The following ZNF791 variants were observed in gnomAD, a reference collection of about 807,000 sequenced individuals.
The protein encoded by ZNF791 is zinc finger protein 791.
A neutral mutation model predicts 11.5 loss-of-function variants in ZNF791; 4 were observed. The observed-to-expected ratio is 0.35, with a 90% CI of 0.17 to 0.80. The LOEUF is 0.80. ZNF791 is among the 30% of genes least tolerant of loss of function. The pLI is 0.53. For synonymous variants in ZNF791, 212 were observed against 228.1 expected (o/e 0.93, Z 0.64); for missense variants, 559 against 699.4 (o/e 0.80, Z 2.26).
intron 1 of ZNF791, chr19:12,612,174 C>T: frequency 1.1e-6 from 1 of 899,668 alleles, no homozygotes; most frequent in Non-Finnish European, 1.3e-6. Flanking sequence ...CTATTTATTG[C>T]CATGGAAATA....
In ZNF791 at chr19:12,632,150, G is replaced by C. The variant is rs2023508952; in HGVS notation, c.*2890G>C. 4 of 151,822 alleles carry C rather than the reference G, an allele frequency of 2.6e-5. No individual in the cohort carries two copies. Among genetic ancestry groups the C allele is most frequent in the Admixed American group, 2.6e-4 (4 of 15,220 alleles). 9.4% of individuals were successfully genotyped at this position (151,822 alleles called of 1,614,324 possible). ...TAATTTTTTTTGTATTTTTAGTAGA[G>C]ATGGGGTTTCACCGTGTTAAGCCAG... On this transcript the variant is annotated 3_prime_UTR_variant, in exon 4 of 4. Transcript: ENST00000343325.
At chr19:12,612,039 C>CT (rs2023165647) in intron 1 of ZNF791, among the ~76,000 whole-genome samples, 4 of 152,128 alleles carry the variant, frequency 2.6e-5, no homozygotes, top group Admixed American at 2.6e-4. Context: ...ATTCTTTGTT[C>CT]TTTCCCTGAG....
rs1434498303 is a variant in ZNF791 at position 12,631,114 on chromosome 19, T to C, written c.*1854T>C. 1 of 152,200 alleles carries C rather than the reference T, an allele frequency of 6.6e-6. No homozygotes were observed. Among genetic ancestry groups the C allele is most frequent in the Non-Finnish European group, 1.5e-5 (1 of 68,048 alleles). The allele number at this position is 152,200 out of a possible 1,614,324, so 9.4% of individuals were successfully genotyped here. ...GAGTGTCCTATGCAGGTGCATCCTT[T>C]TTTATCTTTTATACTGCATGTTTAC... On this transcript the variant is annotated 3_prime_UTR_variant, in exon 4 of 4. Coordinates refer to ENST00000343325, the MANE Select transcript of ZNF791 (RefSeq NM_153358.3).
chr19:12,621,065 A>G lies in ZNF791; in HGVS notation c.4-2635A>G, dbSNP rs116504655. Among the ~76,000 whole-genome samples, 830 of 151,982 alleles carry G rather than the reference A, an allele frequency of 5.5e-3. 8 individuals carry two copies. The highest frequency in any genetic ancestry group is 0.019 in the African/African-American group (779 of 41,478). On this transcript the variant is annotated intron_variant, in intron 1 of 3. Coordinates refer to ENST00000343325, the MANE Select transcript of ZNF791 (RefSeq NM_153358.3). ...CATGAGCCATCCTGACCCAGATTTT[A>G]TGTTCTTTTGGAGGTATGAAATTAC...
chr19:12,617,310 G>A (rs1187032953), intron 1 of ZNF791, among the ~76,000 whole-genome samples: 1 of 151,710 alleles, frequency 6.6e-6, no homozygotes, highest in Non-Finnish European at 1.5e-5. Context: ...ATTTTTAGTA[G>A]AGATGGGGTT....
intron 1 of ZNF791, among the ~76,000 whole-genome samples, chr19:12,613,932 G>A (rs2023200920): frequency 6.6e-6 from 1 of 152,146 alleles, no homozygotes; most frequent in African/African-American, 2.4e-5. Flanking sequence ...TACGTTTTGA[G>A]TTTCACTTCC....
At chr19:12,614,582 A>G (rs571028747) in intron 1 of ZNF791, among the ~76,000 whole-genome samples, 1 of 146,406 alleles carries the variant, frequency 6.8e-6, no homozygotes, top group African/African-American at 2.5e-5. Context: ...CAAGCTGGGG[A>G]ATATGTTTAA....
intron 1 of ZNF791, chr19:12,612,438 A>ATTAT (rs370972953): frequency 1.5e-5 from 2 of 137,514 alleles, no homozygotes; most frequent in Non-Finnish European, 3.1e-5. Flanking sequence ...TTATTTATTT[A>ATTAT]TTATTTATTT....
chr19:12,617,337 G>A (rs978309778), intron 1 of ZNF791, among the ~76,000 whole-genome samples: 1 of 151,796 alleles, frequency 6.6e-6, no homozygotes, highest in African/African-American at 2.4e-5. Context: ...TGTTGGCCAG[G>A]CTGGTCTCGA....
chr19:12,616,842 T>G (rs1033955949), intron 1 of ZNF791, among the ~76,000 whole-genome samples: 19 of 152,268 alleles, frequency 1.2e-4, no homozygotes, highest in African/African-American at 4.6e-4. Flanking sequence ...AGTTTTTCAT[T>G]TTAATGAAGT....
At chr19:12,616,444 C>T (rs1162718730) in intron 1 of ZNF791, among the ~76,000 whole-genome samples, 1 of 152,168 alleles carries the variant, frequency 6.6e-6, no homozygotes, top group Non-Finnish European at 1.5e-5. Context: ...AAAAAGGACG[C>T]TAGGCATGGT....
rs1254137064 is a variant in ZNF791, at chr19:12,629,226, C to A, written c.1697C>A (p.Ser566Tyr). 1 of 1,508,468 alleles carries A rather than the reference C, an allele frequency of 6.6e-7. No homozygotes were observed. The highest frequency in any genetic ancestry group is 2.3e-5 in the East Asian group (1 of 43,620). 93.4% of individuals were successfully genotyped at this position (1,508,468 alleles called of 1,614,324 possible). The part of the protein sequence containing the change: ...QCGKAFSVST[S>Y]LKKHMRMHNR ...GGAAAAGCCTTCAGTGTGTCCACAT[C>A]CTTAAAAAAACATATGAGAATGCAC... is the stretch of plus-strand genomic sequence containing the variant. The change falls in exon 4 of 4, where the codon TCC becomes TAC. Residue 566 changes from serine (S) to tyrosine (Y), a missense_variant. Coordinates refer to ENST00000343325, the MANE Select transcript of ZNF791 (RefSeq NM_153358.3).
At chr19:12,621,719 GGGGGTC>G (rs1261373899) in intron 1 of ZNF791, among the ~76,000 whole-genome samples, 1 of 102,714 alleles carries the variant, frequency 9.7e-6, no homozygotes, top group Non-Finnish European at 2.2e-5. Context: ...CACCTCGGTG[GGGGGTC>G]AGCCCCCCTG....
intron 1 of ZNF791, among the ~76,000 whole-genome samples, chr19:12,619,872 T>G (rs933564000): frequency 2.0e-5 from 3 of 151,500 alleles, no homozygotes; most frequent in Non-Finnish European, 4.4e-5. Context: ...TTCTTTTTAT[T>G]ATTTAGTAAA....
At chr19:12,622,418 A>C (rs1364417578) in intron 1 of ZNF791, among the ~76,000 whole-genome samples, 1 of 145,464 alleles carries the variant, frequency 6.9e-6, no homozygotes, top group East Asian at 1.9e-4. Context: ...AAACAAAAAA[A>C]AAAAAAAAAA....
chr19:12,628,840 C>T lies in ZNF791; in HGVS notation c.1311C>T (p.Asp437=), dbSNP rs8113776. Reference sequence around the variant, plus strand: ...GACACATGATCACCCACACTGGAGACGGACCTTATAAATGTAGGGACTGTG... The same window carrying T: ...GACACATGATCACCCACACTGGAGATGGACCTTATAAATGTAGGGACTGTG... ...FRRHMITHTG[D]GPYKCRDCGK... is the part of the protein sequence containing the mutation. The change falls in exon 4 of 4, where the codon GAC becomes GAT. Residue 437 remains aspartate, a synonymous_variant. Transcript: ENST00000343325. 1,496 of 1,613,668 alleles carry T rather than the reference C, an allele frequency of 9.3e-4. 15 individuals carry two copies. The African/African-American group carries it at 0.018, about 19-fold the overall frequency.
chr19:12,617,298 T>G (rs765090071), intron 1 of ZNF791, among the ~76,000 whole-genome samples: 9 of 151,604 alleles, frequency 5.9e-5, no homozygotes, highest in Admixed American at 1.3e-4. Context: ...TCTAATTTTT[T>G]TATTTTTAGT....
chr19:12,614,922 T>TTTTTTG (rs2023221549), intron 1 of ZNF791, among the ~76,000 whole-genome samples: 1 of 135,100 alleles, frequency 7.4e-6, no homozygotes, highest in Non-Finnish European at 1.6e-5. Context: ...TTTTTTTTTT[T>TTTTTTG]TTTTTGATAC....
At position 12,628,649 on chromosome 19, in the gene ZNF791, C is replaced by T. The variant is rs765264544; in HGVS notation, c.1120C>T (p.His374Tyr). 1.2e-6 allele frequency: 2 copies of T among 1,605,758 alleles called. No individual in the cohort carries two copies. The highest frequency in any genetic ancestry group is 2.7e-5 in the African/African-American group (2 of 74,376). The change falls in exon 4 of 4, where the codon CAT (histidine) becomes TAT (tyrosine). Residue 374 changes from histidine (H) to tyrosine (Y), a missense_variant. Physicochemically the swap from His to Tyr is moderately conservative, Grantham distance 83. Transcript: ENST00000343325. The part of the protein sequence containing the change: ...AFSRISYFRI[H>Y]ERTHTGEKPY... ...TAGTAGAATCAGTTACTTTCGAATACATGAAAGGACTCACACTGGAGAGAA... is the reference window on the plus strand; with the variant it reads ...TAGTAGAATCAGTTACTTTCGAATATATGAAAGGACTCACACTGGAGAGAA...
Sources: allele counts gnomAD v4.1 joint callset (sites outside exome capture counted in the v4.1 genomes callset), GRCh38; gene constraint gnomAD v4.1.1; transcripts MANE v1.5; gene names NCBI Gene and HGNC (gene_info 2026-07-23, HGNC 2026-07-21).